Variants in PAN3 observed in about 807,000 individuals in gnomAD.
The protein encoded by PAN3 is poly(A) specific ribonuclease subunit PAN3.
PAN3 carries 19 observed loss-of-function variants against 96.2 expected under a neutral mutation model. The observed-to-expected ratio is 0.20, with a 90% CI of 0.14 to 0.29. PAN3 has a LOEUF of 0.29. Among genes scored for constraint, PAN3 ranks in the 10% least tolerant of loss-of-function variants. The pLI is 1.00. For missense variants in PAN3, 882 were observed against 1,108.1 expected (o/e 0.80, Z 2.90); for synonymous variants, 433 against 406.6 (o/e 1.06, Z -0.78).
intron 6 of PAN3, among the ~76,000 whole-genome samples, chr13:28,228,193 T>C (rs758616930): frequency 1.6e-4 from 24 of 152,230 alleles, no homozygotes; most frequent in Non-Finnish European, 2.8e-4. Context: ...AGTGGTCCTC[T>C]AATTCTGTAG....
chr13:28,186,985 A>T (rs192976762), intron 4 of PAN3, among the ~76,000 whole-genome samples: 82 of 152,272 alleles, frequency 5.4e-4, no homozygotes, highest in African/African-American at 1.9e-3. Flanking sequence ...AAGATGAGGC[A>T]AGAGGATTGC....
chr13:28,267,136 A>C lies in PAN3; in HGVS notation c.1615A>C (p.Met539Leu), dbSNP rs778441070. 3.1e-6 allele frequency: 5 copies of C among 1,612,928 alleles called. No individual in the cohort carries two copies. Residue 539 changes from methionine to leucine, a missense_variant, in exon 11 of 19, where the codon ATG becomes CTG. Around this residue, in one of 3 missense-constraint regions of PAN3, gnomAD observed 364 missense variants for 513.6 expected, o/e 0.71. Transcript: ENST00000380958. ...VNTKCMVLVDMWKKIQHSNIV... is the reference protein window; with the variant it reads ...VNTKCMVLVDLWKKIQHSNIV... Reference sequence around the variant, plus strand: ...CACAAAGTGCATGGTGTTGGTCGACATGTGGAAGAAAATTCAACACTCAAA... The same window carrying C: ...CACAAAGTGCATGGTGTTGGTCGACCTGTGGAAGAAAATTCAACACTCAAA...
chr13:28,180,207 C>T (rs1875585538), intron 4 of PAN3, among the ~76,000 whole-genome samples: 1 of 152,136 alleles, frequency 6.6e-6, no homozygotes, highest in Non-Finnish European at 1.5e-5. Flanking sequence ...ATCTCTAAAA[C>T]TTAATGTCTG....
intron 15 of PAN3, among the ~76,000 whole-genome samples, chr13:28,279,633 G>T (rs900074130): frequency 6.6e-6 from 1 of 151,278 alleles, no homozygotes; most frequent in African/African-American, 2.4e-5. Context: ...GGTGGCGCAC[G>T]CCTGTAGTCC....
At chr13:28,191,879 A>G (rs535654979) in intron 4 of PAN3, among the ~76,000 whole-genome samples, 8 of 152,104 alleles carry the variant, frequency 5.3e-5, no homozygotes, top group Admixed American at 1.3e-4. Flanking sequence ...AGGTGGGACT[A>G]TAGGCATGGG....
chr13:28,282,908 T>A (rs1868471066), intron 17 of PAN3, among the ~76,000 whole-genome samples: 1 of 142,214 alleles, frequency 7.0e-6, no homozygotes, highest in South Asian at 2.2e-4. Context: ...TTATTTATTT[T>A]GACTTAATGG....
At chr13:28,207,311 T>G (rs1038053219) in intron 5 of PAN3, among the ~76,000 whole-genome samples, 2 of 152,220 alleles carry the variant, frequency 1.3e-5, no homozygotes, top group African/African-American at 4.8e-5. Context: ...TTAGTTATAA[T>G]GTAGATCCAC....
Position 28,295,137 on chromosome 13 carries a change from T to C in PAN3, c.*2615T>C, listed in dbSNP as rs1870169245. ...TTTAAATTCTGTTAGTGTATTTACT[T>C]CATTGTAAATATTTTTGAGGGTACC... On this transcript the variant is annotated 3_prime_UTR_variant, in exon 19 of 19. Transcript: ENST00000380958. 1 of 152,250 alleles carries C rather than the reference T, an allele frequency of 6.6e-6. No individual in the cohort carries two copies. Among genetic ancestry groups the C allele is most frequent in the African/African-American group, 2.4e-5 (1 of 41,458 alleles). 9.4% of individuals were successfully genotyped at this position (152,250 alleles called of 1,614,324 possible).
intron 5 of PAN3, among the ~76,000 whole-genome samples, chr13:28,218,136 T>G (rs979688350): frequency 6.6e-6 from 1 of 152,094 alleles, no homozygotes; most frequent in African/African-American, 2.4e-5. Context: ...TTTAAACCAG[T>G]AGAAGTTTTA....
At chr13:28,139,357 G>T (rs1209169690) in intron 1 of PAN3, among the ~76,000 whole-genome samples, 4 of 148,404 alleles carry the variant, frequency 2.7e-5, no homozygotes, top group African/African-American at 9.9e-5. Flanking sequence ...GGGGCGGGGA[G>T]GAAGGGGGAT....
intron 10 of PAN3, 80 bp downstream of exon 10, chr13:28,266,956 A>C: frequency 2.3e-6 from 3 of 1,291,794 alleles, no homozygotes; most frequent in Non-Finnish European, 3.1e-6. Flanking sequence ...TATATTATTT[A>C]ATATATGAAT....
chr13:28,194,187 A>C (rs1268496454), intron 4 of PAN3, among the ~76,000 whole-genome samples: 2 of 151,718 alleles, frequency 1.3e-5, no homozygotes, highest in African/African-American at 4.8e-5. Flanking sequence ...AAAAAAAAAA[A>C]AGTACATCTG....
rs141080411 is a variant in PAN3 at position 28,279,894 on chromosome 13, G to C, written c.2190-518G>C. Reference sequence around the variant, plus strand: ...AGCTCACTGCAGCCTCTGTCTCCTGGGTTCAAGCTATTCTCCTGCCTCAGC... The same window carrying C: ...AGCTCACTGCAGCCTCTGTCTCCTGCGTTCAAGCTATTCTCCTGCCTCAGC... On this transcript the variant is annotated intron_variant, in intron 15 of 18. Transcript: ENST00000380958. Among the ~76,000 whole-genome samples the C allele has an allele frequency of 9.6e-4, 145 of 151,732 alleles. 1 individual carries two copies. Among genetic ancestry groups the C allele is most frequent in the African/African-American group, 3.3e-3 (135 of 41,432 alleles).
chr13:28,183,871 GAAGTGTTGACTATTA>G (rs1566166429), intron 4 of PAN3, among the ~76,000 whole-genome samples: 1 of 152,216 alleles, frequency 6.6e-6, no homozygotes, highest in Non-Finnish European at 1.5e-5. Flanking sequence ...GCCTGGCACA[GAAGTGTTGACTATTA>G]TTGGTAGTAG....
intron 2 of PAN3, among the ~76,000 whole-genome samples, chr13:28,174,834 C>A (rs958261853): frequency 2.6e-5 from 4 of 152,106 alleles, no homozygotes; most frequent in African/African-American, 7.2e-5. Flanking sequence ...TCCTGTGTAT[C>A]CTCTCAGGAA....
chr13:28,223,978 C>T (rs1363527912), intron 6 of PAN3, among the ~76,000 whole-genome samples: 1 of 146,672 alleles, frequency 6.8e-6, no homozygotes, highest in Non-Finnish European at 1.5e-5. Context: ...ACGCCATTCT[C>T]CTGCCTCAGC....
intron 1 of PAN3, among the ~76,000 whole-genome samples, chr13:28,165,510 C>T (rs755260842): frequency 8.6e-5 from 13 of 151,996 alleles, no homozygotes; most frequent in Non-Finnish European, 1.6e-4. Flanking sequence ...AGTGTTGTGA[C>T]TTTGGGCAAG....
chr13:28,211,959 A>G (rs542049645), intron 5 of PAN3, among the ~76,000 whole-genome samples: 1 of 152,216 alleles, frequency 6.6e-6, no homozygotes, highest in South Asian at 2.1e-4. Context: ...ACCAAACTGG[A>G]AGTCCACAGT....
intron 4 of PAN3, among the ~76,000 whole-genome samples, chr13:28,180,608 A>G (rs1178850614): frequency 2.6e-5 from 4 of 152,234 alleles, no homozygotes; most frequent in African/African-American, 7.2e-5. Flanking sequence ...GCAGGCTAGC[A>G]TGATTACTTA....
Sources: allele counts gnomAD v4.1 joint callset (sites outside exome capture counted in the v4.1 genomes callset), GRCh38; gene constraint gnomAD v4.1.1; regional missense constraint gnomAD v4.1.1; transcripts MANE v1.5; gene names NCBI Gene and HGNC (gene_info 2026-07-23, HGNC 2026-07-21).